The following CAMK1D variants were observed in gnomAD, a reference collection of about 807,000 sequenced individuals.
CAMK1D encodes the protein calcium/calmodulin-dependent protein kinase type 1D.
Under a neutral mutation model 47.7 loss-of-function variants are expected in CAMK1D, and 9 were observed. That is an observed-to-expected ratio of 0.19 (90% CI 0.11 to 0.33). CAMK1D has a LOEUF of 0.33. CAMK1D is among the 10% of genes least tolerant of loss of function. CAMK1D has a pLI of 1.00. For synonymous variants in CAMK1D, 184 were observed against 184.9 expected (o/e 0.99, Z 0.04); for missense variants, 291 against 488.7 (o/e 0.60, Z 3.81).
chr10:12,386,443 C>CA (rs1026927882), intron 1 of CAMK1D, among the ~76,000 whole-genome samples: 16 of 129,748 alleles, frequency 1.2e-4, no homozygotes, highest in South Asian at 2.4e-4. Context: ...AACTCTGTCT[C>CA]AAAAAAAACA....
intron 2 of CAMK1D, among the ~76,000 whole-genome samples, chr10:12,651,879 C>T (rs1425259673): frequency 2.6e-5 from 4 of 151,778 alleles, no homozygotes; most frequent in South Asian, 2.1e-4. Context: ...CCTGGGTTCA[C>T]GCCATTCTCC....
intron 3 of CAMK1D, among the ~76,000 whole-genome samples, chr10:12,686,130 G>GT (rs1832653102): frequency 6.6e-6 from 1 of 152,098 alleles, no homozygotes; most frequent in Non-Finnish European, 1.5e-5. Context: ...GCTCTTTGCT[G>GT]CTCACTTTAG....
intron 1 of CAMK1D, among the ~76,000 whole-genome samples, chr10:12,459,516 A>C (rs919894536): frequency 7.2e-5 from 11 of 152,188 alleles, no homozygotes; most frequent in African/African-American, 2.7e-4. Context: ...AAAAAAACCC[A>C]CGCATACACT....
chr10:12,459,158 C>T (rs1295158492), intron 1 of CAMK1D, among the ~76,000 whole-genome samples: 4 of 152,016 alleles, frequency 2.6e-5, no homozygotes, highest in African/African-American at 7.2e-5. Context: ...GGATTACAGG[C>T]GTGAGCCACG....
chr10:12,766,933 G>A (rs1196139996), intron 4 of CAMK1D, among the ~76,000 whole-genome samples: 3 of 152,264 alleles, frequency 2.0e-5, no homozygotes, highest in East Asian at 3.9e-4. Context: ...CAAGGAGGGA[G>A]TCTTGGTGAG....
chr10:12,408,483 A>AT (rs1349986850), intron 1 of CAMK1D, among the ~76,000 whole-genome samples: 1 of 152,006 alleles, frequency 6.6e-6, no homozygotes, highest in African/African-American at 2.4e-5. Context: ...TGACTCTTTC[A>AT]TTTTCAATGT....
chr10:12,424,058 C>G (rs1840145792), intron 1 of CAMK1D, among the ~76,000 whole-genome samples: 1 of 152,198 alleles, frequency 6.6e-6, no homozygotes, highest in Admixed American at 6.5e-5. Flanking sequence ...TTCGTCCTAA[C>G]TGGCCATGGA....
intron 1 of CAMK1D, among the ~76,000 whole-genome samples, chr10:12,449,613 C>T (rs1374133157): frequency 2.0e-5 from 3 of 152,074 alleles, no homozygotes; most frequent in Non-Finnish European, 4.4e-5. Context: ...TATATCAAAA[C>T]ATCATGTTAC....
chr10:12,762,787 G>GAGGGCT (rs1206397540), intron 4 of CAMK1D, among the ~76,000 whole-genome samples: 4 of 152,162 alleles, frequency 2.6e-5, no homozygotes, highest in Non-Finnish European at 5.9e-5. Flanking sequence ...AGATACTTCA[G>GAGGGCT]AGGGCTAGGT....
intron 1 of CAMK1D, among the ~76,000 whole-genome samples, chr10:12,400,737 G>C (rs1025394187): frequency 6.6e-6 from 1 of 152,068 alleles, no homozygotes; most frequent in Admixed American, 6.6e-5. Context: ...ACTTACAACT[G>C]TACCAGAGTG....
chr10:12,581,654 T>G (rs1326289133), intron 2 of CAMK1D, among the ~76,000 whole-genome samples: 1 of 152,218 alleles, frequency 6.6e-6, no homozygotes, highest in Non-Finnish European at 1.5e-5. Context: ...ATTGAACATT[T>G]TTTTCCTATG....
At chr10:12,638,359 C>G (rs1243674454) in intron 2 of CAMK1D, among the ~76,000 whole-genome samples, 1 of 152,174 alleles carries the variant, frequency 6.6e-6, no homozygotes, top group Non-Finnish European at 1.5e-5. Context: ...ATCTACCCAG[C>G]CTCCGCCTCC....
At chr10:12,608,496 G>C (rs1838529280) in intron 2 of CAMK1D, among the ~76,000 whole-genome samples, 1 of 152,200 alleles carries the variant, frequency 6.6e-6, no homozygotes, top group Admixed American at 6.5e-5. Context: ...CAGCTTTTAA[G>C]TAACAGCTTT....
At chr10:12,684,017 A>C (rs1227622781) in intron 3 of CAMK1D, among the ~76,000 whole-genome samples, 1 of 152,158 alleles carries the variant, frequency 6.6e-6, no homozygotes, top group Non-Finnish European at 1.5e-5. Flanking sequence ...TAAAACATAC[A>C]AATTAGGCCG....
At position 12,612,600 on chromosome 10, in the gene CAMK1D, C is replaced by T. The variant is rs148289846; in HGVS notation, c.225-54136C>T. Reference sequence around the variant, plus strand: ...GAGCAAGAGTCAGTTGGATTTTCCCCGGTTGTTCCTAGTAGAGGAAGAAGA... The same window carrying T: ...GAGCAAGAGTCAGTTGGATTTTCCCTGGTTGTTCCTAGTAGAGGAAGAAGA... On this transcript the variant is annotated intron_variant, in intron 2 of 10. Transcript: ENST00000619168. 1.2e-3 allele frequency among the ~76,000 whole-genome samples: 188 copies of T among 152,108 alleles called. 1 individual carries two copies. Among genetic ancestry groups the T allele is most frequent in the African/African-American group, 4.3e-3 (178 of 41,512 alleles).
At chr10:12,541,209 C>T (rs1836159394) in intron 1 of CAMK1D, among the ~76,000 whole-genome samples, 2 of 152,102 alleles carry the variant, frequency 1.3e-5, no homozygotes, top group Non-Finnish European at 2.9e-5. Flanking sequence ...TACAAAATGT[C>T]ATTAGTGGTG....
intron 2 of CAMK1D, among the ~76,000 whole-genome samples, chr10:12,644,090 G>A (rs573513112): frequency 3.3e-5 from 5 of 152,004 alleles, no homozygotes; most frequent in African/African-American, 2.4e-5. Flanking sequence ...AAATCATCCC[G>A]AAACCATCTT....
At chr10:12,470,677 C>T (rs77611524) in intron 1 of CAMK1D, among the ~76,000 whole-genome samples, 1,791 of 152,174 alleles carry the variant, frequency 0.012, 38 homozygotes, top group African/African-American at 0.039. Flanking sequence ...CCACAACACC[C>T]GGCTAATTTT....
rs1164453908 is a variant in CAMK1D at position 12,401,115 on chromosome 10, TATA to T, written c.92+51209_92+51211del. The stretch of plus-strand genomic sequence containing the variant: ...ATATATTATATATATATTTTATATA[TATA>T]ATATATGTATTATATATATTATATA... On this transcript the variant is annotated intron_variant, in intron 1 of 10. Coordinates refer to ENST00000619168, the MANE Select transcript of CAMK1D (RefSeq NM_153498.4). 1.6e-4 allele frequency among the ~76,000 whole-genome samples: 13 copies of T among 79,842 alleles called. No individual in the cohort carries two copies. In the East Asian group the frequency reaches 3.4e-3, roughly 21 times the overall value. The allele number at this position is 79,842 out of a possible 152,430, so 52.4% of individuals were successfully genotyped here. A position where few individuals can be genotyped will look rare whatever the true frequency, so the allele number is the denominator to read the frequency against.
Sources: allele counts gnomAD v4.1 joint callset (sites outside exome capture counted in the v4.1 genomes callset), GRCh38; gene constraint gnomAD v4.1.1; transcripts MANE v1.5; gene names NCBI Gene and HGNC (gene_info 2026-07-23, HGNC 2026-07-21).